BACH2: variants seen among roughly 807,000 people sequenced by gnomAD.
BACH2 encodes the protein BACH transcriptional regulator 2.
A neutral mutation model predicts 61.8 loss-of-function variants in BACH2; 5 were observed. The ratio of observed to expected loss-of-function variants is 0.08; its 90% CI spans 0.04 to 0.17. BACH2 has a LOEUF of 0.17. Ranked by LOEUF, BACH2 falls within the 10% of genes least tolerant of loss-of-function variation. BACH2 has a pLI of 1.00. For missense variants in BACH2, 824 were observed against 1,091.1 expected, an observed-to-expected ratio of 0.76 and a Z score of 3.45; for synonymous variants, 446 against 440.1, an observed-to-expected ratio of 1.01 and a Z score of -0.17.
At chr6:90,296,242 A>G (rs1772377924) in intron 1 of BACH2, among the ~76,000 whole-genome samples, 2 of 151,978 alleles carry the variant, frequency 1.3e-5, no homozygotes, top group South Asian at 2.1e-4. Flanking sequence ...CGGGAGGGAG[A>G]GCACACATTC....
chr6:89,938,369 G>T lies in BACH2; in HGVS notation c.1837-19C>A. On this transcript the variant is annotated intron_variant, in intron 7 of 8. Transcript: ENST00000257749. ...GTTTTACCTGAAACCAAGAATAACA[G>T]AAAATGATTATGGCAGCTGGATTTT... 6.3e-7 allele frequency: 1 copy of T among 1,595,304 alleles called. No individual in the cohort carries two copies.
At chr6:90,181,473 A>T (rs965650339) in intron 4 of BACH2, among the ~76,000 whole-genome samples, 10 of 151,702 alleles carry the variant, frequency 6.6e-5, no homozygotes, top group Admixed American at 2.6e-4. Flanking sequence ...TTTTTTTTTT[A>T]AAAATGGGGA....
At chr6:90,172,174 C>T (rs1226016309) in intron 4 of BACH2, among the ~76,000 whole-genome samples, 2 of 151,854 alleles carry the variant, frequency 1.3e-5, no homozygotes, top group East Asian at 1.9e-4. Context: ...GGCGTGGTGG[C>T]ATGCGCCTGT....
intron 2 of BACH2, among the ~76,000 whole-genome samples, chr6:90,254,660 C>T (rs1770920553): frequency 6.6e-6 from 1 of 151,972 alleles, no homozygotes. Flanking sequence ...AGAGACATTT[C>T]CTCTTGGACT....
At chr6:90,171,290 G>A (rs1293133228) in intron 4 of BACH2, among the ~76,000 whole-genome samples, 3 of 151,942 alleles carry the variant, frequency 2.0e-5, no homozygotes, top group Non-Finnish European at 4.4e-5. Context: ...GTGTGCACCC[G>A]TAGTCTCAGC....
chr6:90,174,646 A>C (rs983663713), intron 4 of BACH2, among the ~76,000 whole-genome samples: 1 of 152,062 alleles, frequency 6.6e-6, no homozygotes, highest in African/African-American at 2.4e-5. Flanking sequence ...AGGTTTCCAT[A>C]TACATGATAA....
intron 7 of BACH2, among the ~76,000 whole-genome samples, chr6:89,938,635 A>G (rs1191304021): frequency 6.6e-6 from 1 of 152,240 alleles, no homozygotes; most frequent in Non-Finnish European, 1.5e-5. Context: ...TCATTGATGT[A>G]GCACTTTTGT....
intron 1 of BACH2, among the ~76,000 whole-genome samples, chr6:90,277,468 A>G (rs1409057067): frequency 6.6e-6 from 1 of 152,216 alleles, no homozygotes; most frequent in Non-Finnish European, 1.5e-5. Context: ...AAGTCAGAGT[A>G]GTGGCTACCA....
At chr6:89,942,198 G>C (rs558335535) in intron 7 of BACH2, among the ~76,000 whole-genome samples, 1 of 152,132 alleles carries the variant, frequency 6.6e-6, no homozygotes, top group African/African-American at 2.4e-5. Context: ...GCACCGGGTC[G>C]GGGTGGGTGG....
At chr6:90,282,726 T>C (rs1771895533) in intron 1 of BACH2, among the ~76,000 whole-genome samples, 1 of 152,158 alleles carries the variant, frequency 6.6e-6, no homozygotes, top group South Asian at 2.1e-4. Flanking sequence ...ATCATCACAG[T>C]CTTCCACAAT....
chr6:90,241,671 G>A (rs1038144462), intron 3 of BACH2, among the ~76,000 whole-genome samples: 1 of 152,182 alleles, frequency 6.6e-6, no homozygotes, highest in Non-Finnish European at 1.5e-5. Context: ...GCTAGGGAGA[G>A]GGACACCTGC....
chr6:89,941,128 GTTC>G (rs1472323998), intron 7 of BACH2, among the ~76,000 whole-genome samples: 1 of 152,210 alleles, frequency 6.6e-6, no homozygotes, highest in Non-Finnish European at 1.5e-5. Context: ...TTAAGTCTGT[GTTC>G]TTCAAGGGAG....
chr6:90,079,045 G>A (rs1781600886), intron 5 of BACH2, among the ~76,000 whole-genome samples: 1 of 152,176 alleles, frequency 6.6e-6, no homozygotes. Flanking sequence ...TCAGTCAGTG[G>A]AATGGGACAG....
In BACH2 at chr6:89,951,426, T is replaced by C. The variant is rs1343031822; in HGVS notation, c.680A>G (p.Gln227Arg). ...KESSEKDALT[Q>R]YPRYKKYQLA... ...CTGGTATTTCTTGTATCTGGGGTAC[T>C]GCGTTAACGCGTCCTTTTCTGAGCT... Residue 227 changes from glutamine (Q) to arginine (R), a missense_variant, in exon 7 of 9, where the codon CAG becomes CGG. Gln to Arg is a conservative substitution (Grantham distance 43, BLOSUM62 1). Around this residue, in one of 8 missense-constraint regions of BACH2, gnomAD observed 19 missense variants for 44.2 expected, o/e 0.43. Coordinates refer to ENST00000257749, the MANE Select transcript of BACH2 (RefSeq NM_021813.4). The surrounding 1 kb of genome is among the most constrained non-coding windows in gnomAD (Gnocchi z 6.4). The C allele has an allele frequency of 2.5e-6, 4 of 1,614,156 alleles. No homozygotes were observed. The highest frequency in any genetic ancestry group is 2.5e-6 in the Non-Finnish European group (3 of 1,180,062).
chr6:90,019,756 C>G (rs984291076), intron 5 of BACH2, among the ~76,000 whole-genome samples: 1 of 152,162 alleles, frequency 6.6e-6, no homozygotes, highest in Non-Finnish European at 1.5e-5. Context: ...GAAACCACAG[C>G]CTTCTGGGAG....
At chr6:89,973,309 G>A (rs1478271529) in intron 6 of BACH2, among the ~76,000 whole-genome samples, 1 of 152,188 alleles carries the variant, frequency 6.6e-6, no homozygotes, top group Non-Finnish European at 1.5e-5. Context: ...AGTATAATGT[G>A]AGATGATGCT....
Position 90,059,059 on chromosome 6 carries a change from C to T in BACH2, c.-13+29902G>A, listed in dbSNP as rs1780535061. 4.6e-5 allele frequency among the ~76,000 whole-genome samples: 7 copies of T among 152,186 alleles called. No homozygotes were observed. The South Asian group carries it at 1.4e-3, about 31-fold the overall frequency. On this transcript the variant is annotated intron_variant, in intron 5 of 8. Coordinates refer to ENST00000257749, the MANE Select transcript of BACH2 (RefSeq NM_021813.4). ...TAGGCATTACCATTCAGGACACAGG[C>T]ATGGGCAAGGACTTCATGTCTGAAA...
At chr6:90,282,578 T>C (rs900104888) in intron 1 of BACH2, among the ~76,000 whole-genome samples, 3 of 152,204 alleles carry the variant, frequency 2.0e-5, no homozygotes, top group African/African-American at 4.8e-5. Context: ...GTTGATTACA[T>C]GTCTTTGCTT....
chr6:89,954,271 G>A (rs1164285197), intron 6 of BACH2, among the ~76,000 whole-genome samples: 1 of 151,596 alleles, frequency 6.6e-6, no homozygotes, highest in Non-Finnish European at 1.5e-5. Flanking sequence ...TAATTTCAAT[G>A]CTATTTATAC....
Sources: allele counts gnomAD v4.1 joint callset (sites outside exome capture counted in the v4.1 genomes callset), GRCh38; gene constraint gnomAD v4.1.1; regional missense constraint gnomAD v4.1.1; non-coding constraint Gnocchi (gnomAD v3.1); transcripts MANE v1.5; gene names NCBI Gene and HGNC (gene_info 2026-07-23, HGNC 2026-07-21).